NRXN3: variants seen among roughly 807,000 people sequenced by gnomAD.
The protein encoded by NRXN3 is neurexin III.
Under a neutral mutation model 137.6 loss-of-function variants are expected in NRXN3, and 32 were observed. That is an observed-to-expected ratio of 0.23 (90% CI 0.18 to 0.31). The LOEUF (loss-of-function observed/expected upper bound fraction) is 0.31. Among genes scored for constraint, NRXN3 ranks in the 10% least tolerant of loss-of-function variants. NRXN3 has a pLI of 1.00. For missense variants in NRXN3, 1,574 were observed against 2,062.5 expected (o/e 0.76, Z 4.59); for synonymous variants, 798 against 784.5 (o/e 1.02, Z -0.29).
At chr14:78,413,565 A>T (rs1175358206) in intron 4 of NRXN3, among the ~76,000 whole-genome samples, 1 of 152,192 alleles carries the variant, frequency 6.6e-6, no homozygotes, top group Non-Finnish European at 1.5e-5. Context: ...TACAGGCATG[A>T]GCCACCGCAC....
intron 8 of NRXN3, among the ~76,000 whole-genome samples, chr14:78,745,643 G>A (rs1449770289): frequency 6.6e-6 from 1 of 152,148 alleles, no homozygotes; most frequent in African/African-American, 2.4e-5. Context: ...CATGGTGCCA[G>A]GCACAGTTTA....
rs1471606058 is a variant in NRXN3 at position 78,615,565 on chromosome 14, C to T, written c.758-29555C>T. The stretch of plus-strand genomic sequence containing the variant: ...GGTGGAGCTTGCAGTGAGCTGAGAT[C>T]GCACCACTGCACTTCAGCCTGGGCG... On this transcript the variant is annotated intron_variant, in intron 4 of 20. Coordinates refer to ENST00000335750, the MANE Select transcript of NRXN3 (RefSeq NM_001330195.2). Among the ~76,000 whole-genome samples, 7 of 151,652 alleles carry T rather than the reference C, an allele frequency of 4.6e-5. No individual in the cohort carries two copies. The East Asian group carries it at 7.8e-4, about 17-fold the overall frequency.
intron 15 of NRXN3, among the ~76,000 whole-genome samples, chr14:79,169,922 G>A (rs901114628): frequency 6.6e-6 from 1 of 151,990 alleles, no homozygotes; most frequent in Non-Finnish European, 1.5e-5. Flanking sequence ...TGAGACTACA[G>A]AATACATTGT....
intron 10 of NRXN3, among the ~76,000 whole-genome samples, chr14:78,873,933 A>G (rs1200444883): frequency 6.6e-6 from 1 of 151,850 alleles, no homozygotes; most frequent in African/African-American, 2.4e-5. Flanking sequence ...TTTTATCTGT[A>G]GTCAAGATCA....
At chr14:78,805,971 A>G (rs1398195432) in intron 9 of NRXN3, among the ~76,000 whole-genome samples, 3 of 151,074 alleles carry the variant, frequency 2.0e-5, no homozygotes, top group Non-Finnish European at 4.4e-5. Flanking sequence ...TCCCACATGC[A>G]TTTCTAGAAG....
chr14:78,371,800 A>C (rs2086882533), intron 4 of NRXN3, among the ~76,000 whole-genome samples: 1 of 152,236 alleles, frequency 6.6e-6, no homozygotes. Flanking sequence ...TGAAAGGATC[A>C]AGGGAACTAT....
chr14:79,686,761 A>C (rs990108348), intron 17 of NRXN3, among the ~76,000 whole-genome samples: 1 of 152,298 alleles, frequency 6.6e-6, no homozygotes, highest in African/African-American at 2.4e-5. Flanking sequence ...AAACAGATCA[A>C]CTAGCACAGC....
intron 4 of NRXN3, among the ~76,000 whole-genome samples, chr14:78,339,494 G>T (rs561275110): frequency 6.6e-6 from 1 of 152,062 alleles, no homozygotes; most frequent in East Asian, 1.9e-4. Context: ...GCAGAGCCTG[G>T]GTCACCCTTC....
chr14:79,705,447 T>G (rs1400278756), intron 19 of NRXN3, among the ~76,000 whole-genome samples: 1 of 152,214 alleles, frequency 6.6e-6, no homozygotes, highest in Non-Finnish European at 1.5e-5. Flanking sequence ...AATTGCAAGC[T>G]TAGATTTTCA....
At chr14:78,242,256 C>T (rs1480671234) in intron 1 of NRXN3, 135 bp from the exon 2 acceptor site, 3 of 152,308 alleles carry the variant, frequency 2.0e-5, no homozygotes, top group African/African-American at 7.2e-5. Flanking sequence ...GTTTGAAGCA[C>T]TAAGCACTGT....
At chr14:78,789,279 GT>G (rs2098798405) in intron 8 of NRXN3, among the ~76,000 whole-genome samples, 1 of 152,092 alleles carries the variant, frequency 6.6e-6, no homozygotes, top group African/African-American at 2.4e-5. Flanking sequence ...TCATCTATGT[GT>G]TCCCCCATCT....
intron 20 of NRXN3, among the ~76,000 whole-genome samples, chr14:79,817,592 A>C (rs932230150): frequency 5.3e-5 from 8 of 152,172 alleles, no homozygotes; most frequent in Admixed American, 2.6e-4. Flanking sequence ...AAGATAAGTA[A>C]ATGGAGGCAC....
chr14:78,751,557 A>G (rs1301948619), intron 8 of NRXN3, among the ~76,000 whole-genome samples: 1 of 152,150 alleles, frequency 6.6e-6, no homozygotes, highest in Non-Finnish European at 1.5e-5. Flanking sequence ...ATTAGATCAC[A>G]TTAAGCTCCT....
At chr14:79,229,377 G>A (rs1178000735) in intron 15 of NRXN3, among the ~76,000 whole-genome samples, 4 of 152,164 alleles carry the variant, frequency 2.6e-5, no homozygotes, top group Non-Finnish European at 5.9e-5. Flanking sequence ...ATTTAAAGTA[G>A]GGTTGAAGGG....
chr14:79,062,553 G>C (rs1440729007), intron 15 of NRXN3, among the ~76,000 whole-genome samples: 5 of 152,158 alleles, frequency 3.3e-5, no homozygotes, highest in African/African-American at 9.7e-5. Context: ...CAGGGAGGGA[G>C]AGATCTACTC....
In NRXN3 at chr14:78,619,589, T is replaced by C. The variant is rs150866905; in HGVS notation, c.758-25531T>C. ...TTGAATCATGGGGGTTGCTCCCTCA[T>C]ACTGCTCTTGTGATAGTGAGTGAGT... On this transcript the variant is annotated intron_variant, in intron 4 of 20. Transcript: ENST00000335750. Among the ~76,000 whole-genome samples, 43 of 152,268 alleles carry C rather than the reference T, an allele frequency of 2.8e-4. No homozygotes were observed. The East Asian group carries it at 8.1e-3, about 29-fold the overall frequency.
At chr14:78,383,575 G>A (rs1226199533) in intron 4 of NRXN3, among the ~76,000 whole-genome samples, 1 of 152,116 alleles carries the variant, frequency 6.6e-6, no homozygotes, top group East Asian at 1.9e-4. Flanking sequence ...TTGATAAGAT[G>A]TTTACAATAG....
intron 4 of NRXN3, among the ~76,000 whole-genome samples, chr14:78,444,919 CAAAAAAAAAAAA>C (rs56400913): frequency 4.2e-5 from 2 of 47,110 alleles, no homozygotes; most frequent in South Asian, 2.4e-3. Flanking sequence ...AACTCTGTCT[CAAAAAAAAAAAA>C]AAAAAAAAAA....
At chr14:79,376,000 G>C (rs2094263450) in intron 15 of NRXN3, among the ~76,000 whole-genome samples, 1 of 148,406 alleles carries the variant, frequency 6.7e-6, no homozygotes, top group South Asian at 2.1e-4. Context: ...AGAAAGTAAT[G>C]TATATAATAA....
Sources: allele counts gnomAD v4.1 joint callset (sites outside exome capture counted in the v4.1 genomes callset), GRCh38; gene constraint gnomAD v4.1.1; transcripts MANE v1.5; gene names NCBI Gene and HGNC (gene_info 2026-07-23, HGNC 2026-07-21).